PARD3B: variants seen among roughly 807,000 people sequenced by gnomAD.
PARD3B encodes par-3 family cell polarity regulator beta, also known as partitioning defective 3 homolog B.
PARD3B carries 103 observed loss-of-function variants against 130.2 expected under a neutral mutation model. The observed-to-expected ratio is 0.79, with a 90% CI of 0.67 to 0.93. The LOEUF (loss-of-function observed/expected upper bound fraction) is 0.93. Among genes scored for constraint, PARD3B ranks in the 40% least tolerant of loss-of-function variants. The pLI, the probability that PARD3B is intolerant of heterozygous loss-of-function variation, is 0.00. For missense variants in PARD3B, 1,609 were observed against 1,499.2 expected (o/e 1.07, Z -1.21); for synonymous variants, 583 against 553.2 (o/e 1.05, Z -0.76).
intron 22 of PARD3B, among the ~76,000 whole-genome samples, chr2:205,565,378 C>G (rs1344608795): frequency 6.6e-6 from 1 of 152,238 alleles, no homozygotes; most frequent in East Asian, 1.9e-4. Flanking sequence ...TATGTCGGTG[C>G]CTTTGACAAT....
chr2:204,726,303 A>T (rs1198763776), intron 2 of PARD3B, among the ~76,000 whole-genome samples: 2 of 152,190 alleles, frequency 1.3e-5, no homozygotes, highest in Non-Finnish European at 2.9e-5. Context: ...TATTCATTTA[A>T]AATGTATTCC....
At chr2:205,385,717 T>G (rs2045638043) in intron 18 of PARD3B, among the ~76,000 whole-genome samples, 1 of 151,980 alleles carries the variant, frequency 6.6e-6, no homozygotes. Context: ...GACTCAACAT[T>G]AGTTGAGGCC....
chr2:205,369,899 T>C (rs1200688728), intron 18 of PARD3B, among the ~76,000 whole-genome samples: 1 of 152,216 alleles, frequency 6.6e-6, no homozygotes, highest in African/African-American at 2.4e-5. Flanking sequence ...GCTTTTAAAA[T>C]AAACAAGCAA....
intron 19 of PARD3B, among the ~76,000 whole-genome samples, chr2:205,418,185 T>C (rs1352681702): frequency 6.6e-6 from 1 of 152,164 alleles, no homozygotes; most frequent in Non-Finnish European, 1.5e-5. Flanking sequence ...CCCTGGACCT[T>C]TTTCCTTGAG....
intron 2 of PARD3B, among the ~76,000 whole-genome samples, chr2:204,771,097 G>T (rs17450756): frequency 6.6e-6 from 1 of 152,062 alleles, no homozygotes; most frequent in African/African-American, 2.4e-5. Context: ...ATCAGAGCAG[G>T]CATGTGTGCA....
At chr2:205,484,060 G>GA (rs758740359) in intron 20 of PARD3B, among the ~76,000 whole-genome samples, 16 of 152,096 alleles carry the variant, frequency 1.1e-4, no homozygotes, top group Non-Finnish European at 1.8e-4. Flanking sequence ...CAAATGGGGG[G>GA]AAAAATACCA....
chr2:205,127,025 TG>T (rs2031506758), intron 10 of PARD3B, among the ~76,000 whole-genome samples: 1 of 151,396 alleles, frequency 6.6e-6, no homozygotes, highest in Non-Finnish European at 1.5e-5. Context: ...GGAGGACAGG[TG>T]CAGTGGCTCA....
intron 15 of PARD3B, among the ~76,000 whole-genome samples, chr2:205,234,684 A>G (rs1380349352): frequency 6.6e-6 from 1 of 152,230 alleles, no homozygotes; most frequent in Non-Finnish European, 1.5e-5. Context: ...ATTATCAACT[A>G]TCTTGACCTA....
At chr2:205,129,786 A>C (rs934680825) in intron 10 of PARD3B, among the ~76,000 whole-genome samples, 1 of 152,186 alleles carries the variant, frequency 6.6e-6, no homozygotes, top group Non-Finnish European at 1.5e-5. Context: ...CTAAGGGAGC[A>C]TGTGGTCAGC....
At chr2:205,328,052 G>T (rs1214376109) in intron 18 of PARD3B, among the ~76,000 whole-genome samples, 2 of 152,030 alleles carry the variant, frequency 1.3e-5, no homozygotes, top group African/African-American at 2.4e-5. Context: ...TAAAGAAAAA[G>T]CTATTATAAC....
In PARD3B at chr2:205,130,995, A is replaced by T. The variant is rs183603248; in HGVS notation, c.1434+5258A>T. ...CCTTAGCATGCGAGATGTGGTTCCA[A>T]CTCTTTCTTATTTTTAAGTAAAAAG... On this transcript the variant is annotated intron_variant, in intron 10 of 22. Transcript: ENST00000406610. Among the ~76,000 whole-genome samples the T allele has an allele frequency of 1.8e-3, 276 of 152,140 alleles. 2 individuals carry two copies. Among genetic ancestry groups the T allele is most frequent in the African/African-American group, 6.6e-3 (273 of 41,498 alleles).
intron 21 of PARD3B, among the ~76,000 whole-genome samples, chr2:205,549,372 T>C (rs572254743): frequency 5.1e-4 from 77 of 152,256 alleles, no homozygotes; most frequent in African/African-American, 1.8e-3. Flanking sequence ...ATTGCCAAAA[T>C]TTGGAGGCAA....
At chr2:205,232,281 C>G (rs555165451) in intron 15 of PARD3B, among the ~76,000 whole-genome samples, 2 of 152,048 alleles carry the variant, frequency 1.3e-5, no homozygotes, top group Admixed American at 6.6e-5. Context: ...GAAACCCCTA[C>G]GCACACACAC....
intron 22 of PARD3B, among the ~76,000 whole-genome samples, chr2:205,598,869 A>G (rs756753005): frequency 6.6e-6 from 1 of 152,196 alleles, no homozygotes; most frequent in Non-Finnish European, 1.5e-5. Flanking sequence ...AATGACTTTT[A>G]GGTAAAGAAT....
chr2:205,368,665 A>C (rs180704921), intron 18 of PARD3B, among the ~76,000 whole-genome samples: 1 of 152,280 alleles, frequency 6.6e-6, no homozygotes, highest in African/African-American at 2.4e-5. Context: ...AAATTCAAAT[A>C]AAAGAATAGA....
Position 205,187,858 on chromosome 2 carries a change from C to A in PARD3B, c.2024+1995C>A. Among the ~76,000 whole-genome samples the A allele has an allele frequency of 6.6e-6, 1 of 152,278 alleles. No homozygotes were observed. The highest frequency in any genetic ancestry group is 1.5e-5 in the Non-Finnish European group (1 of 68,030). On this transcript the variant is annotated intron_variant, in intron 14 of 22. Transcript: ENST00000406610. The surrounding 1 kb of genome is among the most constrained non-coding windows in gnomAD (Gnocchi z 4.9). The stretch of plus-strand genomic sequence containing the variant: ...TTAGAACTGCTCTCTTAATCATCAA[C>A]GGTAATCTCCTTTCAGTCAAAAGTA...
chr2:205,500,899 C>T (rs1168280773), intron 21 of PARD3B, among the ~76,000 whole-genome samples: 2 of 152,204 alleles, frequency 1.3e-5, no homozygotes, highest in African/African-American at 2.4e-5. Flanking sequence ...TTCTACTGCG[C>T]CTTTTAGAGC....
chr2:205,598,369 A>G (rs1285327004), intron 22 of PARD3B, among the ~76,000 whole-genome samples: 1 of 152,192 alleles, frequency 6.6e-6, no homozygotes, highest in Non-Finnish European at 1.5e-5. Flanking sequence ...AGGACAAAAA[A>G]AAAAAGCATT....
chr2:204,812,291 G>A (rs2042991259), intron 2 of PARD3B, among the ~76,000 whole-genome samples: 1 of 152,160 alleles, frequency 6.6e-6, no homozygotes, highest in Admixed American at 6.5e-5. Context: ...ACATGGGTCT[G>A]CAGCAGCTTG....
Sources: gnomAD v4.1 joint callset for allele counts (sites outside exome capture counted in the v4.1 genomes callset) on GRCh38, gnomAD v4.1.1 for gene constraint, Gnocchi (gnomAD v3.1) non-coding constraint, MANE v1.5 for transcripts, NCBI Gene and HGNC (gene_info 2026-07-23, HGNC 2026-07-21) for gene names.